Variants in HYAL4 observed in about 807,000 individuals in gnomAD.
HYAL4 encodes hyaluronidase 4.
In HYAL4, 37 loss-of-function variants were observed where a neutral mutation model predicts 35.2. That is an observed-to-expected ratio of 1.05 (90% CI 0.81 to 1.38). The LOEUF is 1.38. Ranked by LOEUF, HYAL4 falls within the 40% of genes most tolerant of loss-of-function variation. The pLI is 0.00. For missense variants in HYAL4, 572 were observed against 572.4 expected (o/e 1.00, Z 0.01); for synonymous variants, 198 against 203.2 (o/e 0.97, Z 0.22).
chr7:123,799,407 A>G, the HYAL4 span, among the ~76,000 whole-genome samples: 12 of 150,890 alleles, frequency 8.0e-5, no homozygotes, highest in Non-Finnish European at 1.8e-4. Flanking sequence ...AAGGTATTTT[A>G]TAAAGGTAAT....
the HYAL4 span, among the ~76,000 whole-genome samples, chr7:123,776,781 G>T: frequency 6.6e-6 from 1 of 152,086 alleles, no homozygotes; most frequent in Middle Eastern, 3.2e-3. Flanking sequence ...ACATTTTGGG[G>T]CAGCACACAC....
chr7:123,862,857 C>T (rs769022801), intron 2 of HYAL4, among the ~76,000 whole-genome samples: 2 of 152,148 alleles, frequency 1.3e-5, no homozygotes, highest in Non-Finnish European at 2.9e-5. Flanking sequence ...CAAAGCCCAC[C>T]ACATCTTTCC....
chr7:123,857,844 A>G (rs1030710754), intron 2 of HYAL4, among the ~76,000 whole-genome samples: 1 of 152,036 alleles, frequency 6.6e-6, no homozygotes, highest in Non-Finnish European at 1.5e-5. Context: ...CAAGAACATC[A>G]TCATTTATCC....
At chr7:123,816,833 ACATAACTTTC>A in the HYAL4 span, among the ~76,000 whole-genome samples, 1 of 152,156 alleles carries the variant, frequency 6.6e-6, no homozygotes, top group Non-Finnish European at 1.5e-5. Flanking sequence ...GGTCTAAGTA[ACATAACTTTC>A]CAACGCATTT....
chr7:123,797,957 C>A, the HYAL4 span, among the ~76,000 whole-genome samples: 1 of 152,036 alleles, frequency 6.6e-6, no homozygotes, highest in Non-Finnish European at 1.5e-5. Context: ...TAAAAAGTGC[C>A]CACAATTATA....
the HYAL4 span, among the ~76,000 whole-genome samples, chr7:123,763,841 C>T: frequency 6.6e-6 from 1 of 152,208 alleles, no homozygotes; most frequent in African/African-American, 2.4e-5. Flanking sequence ...ACCTCCAACC[C>T]CTCACTCAAA....
At chr7:123,875,666 A>G (rs982342606) in intron 4 of HYAL4, among the ~76,000 whole-genome samples, 1 of 151,664 alleles carries the variant, frequency 6.6e-6, no homozygotes, top group African/African-American at 2.4e-5. Flanking sequence ...CAAAAAAAAA[A>G]AAAAAAGAAA....
At chr7:123,836,001 G>T (rs1805959068) in intron 1 of HYAL4, among the ~76,000 whole-genome samples, 1 of 152,008 alleles carries the variant, frequency 6.6e-6, no homozygotes, top group Non-Finnish European at 1.5e-5. Flanking sequence ...CTATCATATG[G>T]TCTATATTGG....
chr7:123,866,739 G>A (rs943033626), intron 2 of HYAL4, among the ~76,000 whole-genome samples: 3 of 150,970 alleles, frequency 2.0e-5, no homozygotes, highest in Admixed American at 6.6e-5. Context: ...AGCCACTATC[G>A]TCTTCCCTCT....
chr7:123,848,145 A>G lies in HYAL4; in HGVS notation c.-65A>G, dbSNP rs1415632916. The G allele has an allele frequency of 1.3e-5, 2 of 152,680 alleles. No individual in the cohort carries two copies. The highest frequency in any genetic ancestry group is 2.9e-5 in the Non-Finnish European group (2 of 68,048). The allele number at this position is 152,680 out of a possible 1,614,324, so 9.5% of individuals were successfully genotyped here. ...ACAAGGTGACTAAAGGACCAGCAGC[A>G]AACAAAAGCAAAGGTAAAATAGACT... On this transcript the variant is annotated 5_prime_UTR_variant, in exon 2 of 5. Coordinates refer to ENST00000223026, the MANE Select transcript of HYAL4 (RefSeq NM_012269.3).
At chr7:123,857,491 C>A (rs754206853) in intron 2 of HYAL4, among the ~76,000 whole-genome samples, 8 of 152,064 alleles carry the variant, frequency 5.3e-5, no homozygotes, top group Non-Finnish European at 8.8e-5. Context: ...CCTGCTTCTG[C>A]TTGCCCTCCA....
In HYAL4 at chr7:123,857,238, A is replaced by C. The variant is rs558451765; in HGVS notation, c.-52+9080A>C. ...CCAGGTGCCACTGGGGTACAAAAAA[A>C]CCTCCTGGAGCTAGCTTGGTGTCTG... On this transcript the variant is annotated intron_variant, in intron 2 of 4. Coordinates refer to ENST00000223026, the MANE Select transcript of HYAL4 (RefSeq NM_012269.3). Among the ~76,000 whole-genome samples, 12 of 151,766 alleles carry C rather than the reference A, an allele frequency of 7.9e-5. No individual in the cohort carries two copies. The East Asian group carries it at 2.3e-3, about 29-fold the overall frequency.
intron 1 of HYAL4, among the ~76,000 whole-genome samples, chr7:123,832,265 C>T (rs981139249): frequency 6.6e-6 from 1 of 151,792 alleles, no homozygotes; most frequent in South Asian, 2.1e-4. Flanking sequence ...TCTAAAGTAA[C>T]TCTGTTTTTC....
the HYAL4 span, among the ~76,000 whole-genome samples, chr7:123,780,255 A>G: frequency 1.3e-5 from 2 of 152,162 alleles, no homozygotes; most frequent in African/African-American, 4.8e-5. Flanking sequence ...GGATTTCAAA[A>G]CCAGGGTGCC....
upstream of HYAL4, among the ~76,000 whole-genome samples, chr7:123,840,557 A>T (rs1806039534): frequency 1.3e-5 from 2 of 151,960 alleles, no homozygotes; most frequent in Non-Finnish European, 2.9e-5. Flanking sequence ...GATGGCATTG[A>T]ATCTATAAAT....
chr7:123,832,361 G>A (rs1298373764), intron 1 of HYAL4, among the ~76,000 whole-genome samples: 2 of 151,014 alleles, frequency 1.3e-5, no homozygotes, highest in Non-Finnish European at 2.9e-5. Flanking sequence ...GTGGTGATTT[G>A]TGAGATTTTG....
At chr7:123,828,570 A>T (rs995951557), upstream of HYAL4, among the ~76,000 whole-genome samples, 3 of 152,098 alleles carry the variant, frequency 2.0e-5, no homozygotes, top group African/African-American at 7.2e-5. Context: ...ATCTGACCTA[A>T]TGTTAAAATA....
upstream of HYAL4, among the ~76,000 whole-genome samples, chr7:123,842,821 C>G (rs1171422306): frequency 2.0e-5 from 3 of 152,032 alleles, no homozygotes; most frequent in African/African-American, 7.2e-5. Context: ...GATTGCAACT[C>G]CTGCCTTTTT....
At chr7:123,873,852 C>A (rs1806944012) in intron 3 of HYAL4, among the ~76,000 whole-genome samples, 2 of 152,106 alleles carry the variant, frequency 1.3e-5, no homozygotes, top group African/African-American at 4.8e-5. Context: ...GCGACTTTAC[C>A]ATGACTGGAT....
Sources: allele counts gnomAD v4.1 joint callset (sites outside exome capture counted in the v4.1 genomes callset), GRCh38; gene constraint gnomAD v4.1.1; transcripts MANE v1.5; gene names NCBI Gene and HGNC (gene_info 2026-07-23, HGNC 2026-07-21).